Variants in IPCEF1 observed in about 807,000 individuals in gnomAD.
IPCEF1 encodes the protein interactor protein for cytohesin exchange factors 1.
In IPCEF1, 31 loss-of-function variants were observed where a neutral mutation model predicts 50.9. The observed-to-expected ratio is 0.61, with a 90% confidence interval of 0.46 to 0.82. The LOEUF (loss-of-function observed/expected upper bound fraction) is 0.82. Ranked by LOEUF, IPCEF1 falls within the 40% of genes least tolerant of loss-of-function variation. The pLI, the probability that IPCEF1 is intolerant of heterozygous loss-of-function variation, is 0.00. For synonymous variants in IPCEF1, 181 were observed against 192.0 expected, an observed-to-expected ratio of 0.94 and a Z score of 0.47; for missense variants, 458 against 514.0, an observed-to-expected ratio of 0.89 and a Z score of 1.05.
intron 9 of IPCEF1, among the ~76,000 whole-genome samples, chr6:154,208,785 G>A (rs920657346): frequency 5.9e-5 from 9 of 152,076 alleles, no homozygotes; most frequent in African/African-American, 1.9e-4. Context: ...ATAGAAAGTT[G>A]GTTCTTTTTG....
chr6:154,172,441 C>T (rs1171183428), intron 10 of IPCEF1, among the ~76,000 whole-genome samples: 1 of 152,194 alleles, frequency 6.6e-6, no homozygotes, highest in Non-Finnish European at 1.5e-5. Context: ...TACCCAAATA[C>T]TGTGCTTTTC....
At chr6:154,275,305 A>G (rs1476603498) in intron 2 of IPCEF1, among the ~76,000 whole-genome samples, 10 of 152,216 alleles carry the variant, frequency 6.6e-5, no homozygotes, top group African/African-American at 2.4e-4. Context: ...CCAGCTCCCT[A>G]ATGAGGACAC....
intron 5 of IPCEF1, among the ~76,000 whole-genome samples, chr6:154,231,475 C>A (rs562637879): frequency 1.3e-5 from 2 of 152,270 alleles, no homozygotes; most frequent in East Asian, 3.9e-4. Flanking sequence ...CAAAGGATTG[C>A]AAAGAATGCA....
At chr6:154,224,740 T>C (rs1424637818) in intron 5 of IPCEF1, among the ~76,000 whole-genome samples, 1 of 151,830 alleles carries the variant, frequency 6.6e-6, no homozygotes, top group Non-Finnish European at 1.5e-5. Context: ...AAAAAAGAGA[T>C]TCAAAACTCA....
chr6:154,316,349 G>C (rs77439250), intron 1 of IPCEF1, among the ~76,000 whole-genome samples: 1 of 152,108 alleles, frequency 6.6e-6, no homozygotes. Context: ...TCACTTTATT[G>C]TGATACTTAC....
At chr6:154,176,868 C>G (rs1800378469) in intron 10 of IPCEF1, among the ~76,000 whole-genome samples, 1 of 152,202 alleles carries the variant, frequency 6.6e-6, no homozygotes, top group Admixed American at 6.5e-5. Context: ...CTGGAGGCAT[C>G]ATGCTACCTG....
intron 1 of IPCEF1, among the ~76,000 whole-genome samples, chr6:154,329,664 T>TA (rs34275264): frequency 0.023 from 3,455 of 147,130 alleles, 62 homozygotes; most frequent in Non-Finnish European, 0.034. Flanking sequence ...ATCCAAAAAC[T>TA]AAAAAAAAAA....
chr6:154,173,892 G>C (rs1341776414), intron 10 of IPCEF1, among the ~76,000 whole-genome samples: 1 of 152,152 alleles, frequency 6.6e-6, no homozygotes, highest in Non-Finnish European at 1.5e-5. Context: ...AGGTTGAAAT[G>C]AAGGAAAAAA....
At chr6:154,248,439 G>A (rs536005656) in intron 3 of IPCEF1, among the ~76,000 whole-genome samples, 129 of 151,898 alleles carry the variant, frequency 8.5e-4, no homozygotes, top group Non-Finnish European at 1.5e-3. Flanking sequence ...AACCTTTTCC[G>A]TTAACAGGTA....
At position 154,245,566 on chromosome 6, in the gene IPCEF1, A is replaced by T. The variant is rs576692510; in HGVS notation, c.246+1025T>A. Among the ~76,000 whole-genome samples, 3 of 152,358 alleles carry T rather than the reference A, an allele frequency of 2.0e-5. No homozygotes were observed. The South Asian group carries it at 6.2e-4, about 32-fold the overall frequency. ...ATGCAGTACTTATTTTGCATTTATA[A>T]AGTTACATGATGTACAGCTCTGTTG... On this transcript the variant is annotated intron_variant, in intron 5 of 11. Coordinates refer to ENST00000367220, the MANE Select transcript of IPCEF1 (RefSeq NM_001130700.2).
intron 1 of IPCEF1, among the ~76,000 whole-genome samples, chr6:154,305,753 G>A (rs1782915996): frequency 6.6e-6 from 1 of 152,178 alleles, no homozygotes; most frequent in South Asian, 2.1e-4. Context: ...AATAAAGCAG[G>A]CAGAAGAAGG....
At chr6:154,253,252 G>T (rs1722569862) in intron 3 of IPCEF1, among the ~76,000 whole-genome samples, 1 of 151,886 alleles carries the variant, frequency 6.6e-6, no homozygotes, top group South Asian at 2.1e-4. Flanking sequence ...TTCCCAGGCT[G>T]GTCTCGAAAT....
At chr6:154,277,500 C>G (rs187206406) in intron 2 of IPCEF1, among the ~76,000 whole-genome samples, 1 of 152,180 alleles carries the variant, frequency 6.6e-6, no homozygotes, top group East Asian at 1.9e-4. Flanking sequence ...AAGATTAAAT[C>G]GTCCAACTCC....
intron 10 of IPCEF1, among the ~76,000 whole-genome samples, chr6:154,186,062 TTC>T (rs1801320062): frequency 6.6e-6 from 1 of 152,212 alleles, no homozygotes; most frequent in Non-Finnish European, 1.5e-5. Flanking sequence ...CTTCTCTGTG[TTC>T]TCTCTCCCCA....
At chr6:154,180,157 A>C (rs563535628) in intron 10 of IPCEF1, among the ~76,000 whole-genome samples, 1 of 152,288 alleles carries the variant, frequency 6.6e-6, no homozygotes, top group Admixed American at 6.5e-5. Flanking sequence ...GGCTTTGCTC[A>C]AAGGAGTATG....
chr6:154,325,673 G>GAAT (rs1783500842), intron 1 of IPCEF1, among the ~76,000 whole-genome samples: 1 of 152,184 alleles, frequency 6.6e-6, no homozygotes, highest in South Asian at 2.1e-4. Flanking sequence ...CCTGGGAGGA[G>GAAT]AATAATAAAA....
chr6:154,198,972 G>A (rs779997532), intron 10 of IPCEF1, among the ~76,000 whole-genome samples: 3 of 152,144 alleles, frequency 2.0e-5, no homozygotes, highest in African/African-American at 7.2e-5. Flanking sequence ...GAAAAGATAC[G>A]TCACGATTGA....
chr6:154,271,609 A>G (rs1781904253), intron 2 of IPCEF1, among the ~76,000 whole-genome samples: 1 of 152,196 alleles, frequency 6.6e-6, no homozygotes, highest in Non-Finnish European at 1.5e-5. Flanking sequence ...ATGTATGACA[A>G]AAACTTTAGG....
At chr6:154,336,370 A>G (rs1049961206) in intron 1 of IPCEF1, among the ~76,000 whole-genome samples, 16 of 152,348 alleles carry the variant, frequency 1.1e-4, no homozygotes, top group Middle Eastern at 3.4e-3. Flanking sequence ...ATTTGCAGCA[A>G]TATGGATGGA....
Sources: allele counts gnomAD v4.1 joint callset (sites outside exome capture counted in the v4.1 genomes callset), GRCh38; gene constraint gnomAD v4.1.1; transcripts MANE v1.5; gene names NCBI Gene and HGNC (gene_info 2026-07-23, HGNC 2026-07-21).